Variants in CD8B observed in about 807,000 individuals in gnomAD.
CD8B encodes the protein CD8 subunit beta.
In CD8B, 6 loss-of-function variants were observed where a neutral mutation model predicts 24.2. The observed-to-expected ratio is 0.25, with a 90% confidence interval of 0.14 to 0.49. CD8B has a LOEUF of 0.49. Among genes scored for constraint, CD8B ranks in the 20% least tolerant of loss-of-function variants. The pLI is 0.98. For missense variants in CD8B, 196 were observed against 271.3 expected (o/e 0.72, Z 1.95); for synonymous variants, 84 against 108.3 (o/e 0.78, Z 1.39).
At chr2:86,854,733 C>A (rs1676147087) in intron 2 of CD8B, among the ~76,000 whole-genome samples, 1 of 151,812 alleles carries the variant, frequency 6.6e-6, no homozygotes, top group South Asian at 2.1e-4. Flanking sequence ...TCTCTCTGCA[C>A]TGATTTTCTC....
chr2:86,858,144 C>T lies in CD8B; in HGVS notation c.316G>A (p.Val106Met), dbSNP rs367817222. 42 of 1,614,004 alleles carry T rather than the reference C, an allele frequency of 2.6e-5. No homozygotes were observed. The highest frequency in any genetic ancestry group is 8.9e-5 in the East Asian group (4 of 44,886). ...ASRFILNLTS[V>M]KPEDSGIYFC... is the part of the protein sequence containing the mutation. ...TAGATGCCACTGTCTTCCGGCTTCA[C>T]GCTTGTGAGATTGAGAATGAACCGG... The change falls in exon 2 of 6, where the codon GTG becomes ATG. Residue 106 changes from valine to methionine, a missense_variant. Val to Met is a conservative substitution (Grantham distance 21). Transcript: ENST00000390655.
rs66503069 is a variant in CD8B, at chr2:86,854,806, G to GA, written c.404-1721dup. Among the ~76,000 whole-genome samples, 101 of 145,064 alleles carry GA rather than the reference G, an allele frequency of 7.0e-4. 1 individual carries two copies. Among genetic ancestry groups the GA allele is most frequent in the Admixed American group, 4.1e-3 (59 of 14,498 alleles). On this transcript the variant is annotated intron_variant, in intron 2 of 5. Transcript: ENST00000390655. ...CCTAAACTCTAGAGTCAGGGGGACA[G>GA]AAAAAAAAAAAAGAAAAGAAAAGAA...
chr2:86,857,999 C>T, intron 2 of CD8B, 58 bp downstream of exon 2: 3 of 1,575,364 alleles, frequency 1.9e-6, no homozygotes, highest in Non-Finnish European at 2.6e-6. Flanking sequence ...GTCCCAGTGC[C>T]TGGCACGTGC....
In CD8B at chr2:86,832,472, G is replaced by A. The variant is rs1381645793; in HGVS notation, c.620+12450C>T. The stretch of plus-strand genomic sequence containing the variant: ...CAGCCTGGGTGACAGAGTGAGACTC[G>A]ATCTCAAAAAATTAAAAAAAAAAAA... On this transcript the variant is annotated intron_variant, in intron 5 of 5. Coordinates refer to the CD8B transcript ENST00000331469. 4.4e-5 allele frequency among the ~76,000 whole-genome samples: 6 copies of A among 136,866 alleles called. No homozygotes were observed. The East Asian group carries it at 9.9e-4, about 23-fold the overall frequency. 89.8% of individuals were successfully genotyped at this position (136,866 alleles called of 152,430 possible).
intron 2 of CD8B, among the ~76,000 whole-genome samples, chr2:86,855,851 C>T (rs1460472601): frequency 1.3e-5 from 2 of 152,210 alleles, no homozygotes; most frequent in Non-Finnish European, 2.9e-5. Flanking sequence ...TGGGCACCGC[C>T]GCCTGGGTCT....
downstream of CD8B, among the ~76,000 whole-genome samples, chr2:86,836,062 C>T (rs1012312994): frequency 2.6e-5 from 4 of 151,204 alleles, no homozygotes; most frequent in Non-Finnish European, 4.4e-5. Context: ...GTCCATTGTA[C>T]TTGGCAGAGT....
At chr2:86,842,985 T>C (rs1472848330) in intron 5 of CD8B, among the ~76,000 whole-genome samples, 1 of 151,942 alleles carries the variant, frequency 6.6e-6, no homozygotes, top group African/African-American at 2.4e-5. Flanking sequence ...ATCAGATCAC[T>C]GGGGAGCAAG....
chr2:86,815,521 C>G (rs1191684844), downstream of CD8B: 1 of 841,296 alleles, frequency 1.2e-6, no homozygotes, highest in African/African-American at 1.7e-5. Context: ...GAAGTCTCTG[C>G]TGGGTGTGTG....
At chr2:86,834,220 G>A (rs1239355672), downstream of CD8B, among the ~76,000 whole-genome samples, 1 of 152,028 alleles carries the variant, frequency 6.6e-6, no homozygotes, top group East Asian at 1.9e-4. Flanking sequence ...TTTCCACAAA[G>A]CTGTAGCGCT....
chr2:86,844,410 G>A (rs1675573371), intron 5 of CD8B, among the ~76,000 whole-genome samples: 2 of 151,816 alleles, frequency 1.3e-5, no homozygotes, highest in South Asian at 4.2e-4. Context: ...GTCAAATGAG[G>A]GTGATAACCC....
intron 5 of CD8B, chr2:86,832,932 C>G (rs1674962775): frequency 4.2e-6 from 1 of 240,628 alleles, no homozygotes; most frequent in South Asian, 3.5e-5. Flanking sequence ...CTCCTCTCCT[C>G]TCCTCTCCTC....
intron 2 of CD8B, among the ~76,000 whole-genome samples, chr2:86,855,281 T>G (rs1676180336): frequency 6.6e-6 from 1 of 152,296 alleles, no homozygotes; most frequent in South Asian, 2.1e-4. Flanking sequence ...GTTTGTCTGC[T>G]TCAAGACATT....
intron 5 of CD8B, among the ~76,000 whole-genome samples, chr2:86,816,315 G>T (rs1218005628): frequency 6.6e-6 from 1 of 152,124 alleles, no homozygotes; most frequent in South Asian, 2.1e-4. Flanking sequence ...CTCCTCCGGG[G>T]TACTTTATAA....
At position 86,829,095 on chromosome 2, in the gene CD8B, C is replaced by CTTTTTTTTTTTTTTT. The variant is rs746569858; in HGVS notation, c.621-13392_621-13378dup. On this transcript the variant is annotated intron_variant, in intron 5 of 5. Transcript: ENST00000331469. Reference sequence around the variant, plus strand: ...TTACCATTTTGGCATATGCTCTTTACTTTTTTTTTTTTTTTTTTTTTTGAG... The same window carrying CTTTTTTTTTTTTTTT: ...TTACCATTTTGGCATATGCTCTTTACTTTTTTTTTTTTTTTTTTTTTTTTTTTTTTTTTTTTTGAG... Among the ~76,000 whole-genome samples, 27 of 82,986 alleles carry CTTTTTTTTTTTTTTT rather than the reference C, an allele frequency of 3.3e-4. 4 individuals are homozygous for CTTTTTTTTTTTTTTT. Among genetic ancestry groups the CTTTTTTTTTTTTTTT allele is most frequent in the Non-Finnish European group, 4.9e-4 (22 of 44,462 alleles). 54.4% of individuals were successfully genotyped at this position (82,986 alleles called of 152,430 possible). A position where few individuals can be genotyped will look rare whatever the true frequency, so the allele number is the denominator to read the frequency against.
intron 5 of CD8B, chr2:86,821,794 C>T (rs776588231): frequency 1.0e-5 from 4 of 397,352 alleles, no homozygotes; most frequent in South Asian, 1.7e-5. Context: ...CCACAAACCC[C>T]GTCCTCTCCA....
At chr2:86,821,476 C>T (rs1475302601) in intron 5 of CD8B, among the ~76,000 whole-genome samples, 1 of 152,164 alleles carries the variant, frequency 6.6e-6, no homozygotes, top group Non-Finnish European at 1.5e-5. Context: ...TGTATTGTGG[C>T]GGGGAAGCAA....
downstream of CD8B, among the ~76,000 whole-genome samples, chr2:86,833,892 G>A (rs933323856): frequency 2.6e-5 from 4 of 151,682 alleles, no homozygotes; most frequent in Admixed American, 6.6e-5. Context: ...CTCGTGATCC[G>A]CCCACCTCAG....
intron 3 of CD8B, among the ~76,000 whole-genome samples, chr2:86,849,892 C>T (rs77406241): frequency 0.011 from 1,661 of 152,000 alleles, 62 homozygotes; most frequent in Admixed American, 0.069. Context: ...TTAGTGGAGA[C>T]GGGGTTTCGC....
chr2:86,825,371 A>G (rs1253799132), intron 5 of CD8B, among the ~76,000 whole-genome samples: 2 of 152,030 alleles, frequency 1.3e-5, no homozygotes, highest in African/African-American at 2.4e-5. Flanking sequence ...GGATCCCCCA[A>G]CCCCTCCTTG....
Sources: allele counts gnomAD v4.1 joint callset (sites outside exome capture counted in the v4.1 genomes callset), GRCh38; gene constraint gnomAD v4.1.1; transcripts MANE v1.5; gene names NCBI Gene and HGNC (gene_info 2026-07-23, HGNC 2026-07-21).